LAMB3: variants seen among roughly 807,000 people sequenced by gnomAD.
LAMB3 encodes laminin subunit beta-3.
In LAMB3, 104 loss-of-function variants were observed where a neutral mutation model predicts 140.3. The ratio of observed to expected loss-of-function variants is 0.74; its 90% CI spans 0.63 to 0.87. LAMB3 has a LOEUF of 0.87. Ranked by LOEUF, LAMB3 falls within the 40% of genes least tolerant of loss-of-function variation. LAMB3 has a pLI of 0.00. For missense variants in LAMB3, 1,531 were observed against 1,575.2 expected (o/e 0.97, Z 0.47); for synonymous variants, 592 against 602.9 (o/e 0.98, Z 0.26).
rs1332394982 is a variant in LAMB3 at position 209,626,006 on chromosome 1, C to T, written c.1618G>A (p.Gly540Arg). Residue 540 changes from glycine to arginine, a missense_variant, in exon 14 of 23, where the codon GGA becomes AGA. Transcript: ENST00000356082. ...GCRACDCDFR[G>R]TEGPGCDKAS... ...TTGTCGCAGCCCGGGCCCTCTGTTC[C>T]CCGGAAATCACAGTCACAGGCTAGG... 2 of 1,612,892 alleles carry T rather than the reference C, an allele frequency of 1.2e-6. No homozygotes were observed. The highest frequency in any genetic ancestry group is 8.5e-7 in the Non-Finnish European group (1 of 1,179,386).
At position 209,623,048 on chromosome 1, in the gene LAMB3, C is replaced by T. The variant is rs1380811222; in HGVS notation, c.2490G>A (p.Leu830=). Residue 830 remains leucine, a synonymous_variant, in exon 17 of 23, where the codon TTG becomes TTA. Transcript: ENST00000356082. This position sits in a 1 kb window ranked among gnomAD's most constrained non-coding sequence, Gnocchi z 4.2. Reference sequence around the variant, plus strand: ...GCTGCTCAGCCACCTGCCCCGCCATCAAGAAGGCCCCACCGGCCCTGGGAA... The same window carrying T: ...GCTGCTCAGCCACCTGCCCCGCCATTAAGAAGGCCCCACCGGCCCTGGGAA... ...GVLPRAGGAF[L]MAGQVAEQLR... is the part of the protein sequence containing the mutation. 6.2e-7 allele frequency: 1 copy of T among 1,614,152 alleles called. No homozygotes were observed. The highest frequency in any genetic ancestry group is 1.1e-5 in the South Asian group (1 of 91,074).
At chr1:209,622,834 A>T in intron 17 of LAMB3, 148 bp downstream of exon 17, 3 of 1,366,792 alleles carry the variant, frequency 2.2e-6, no homozygotes, top group Non-Finnish European at 3.1e-6. Flanking sequence ...AAAAGAGAAA[A>T]AAAACTATCT....
chr1:209,641,737 G>T (rs1032926450), intron 3 of LAMB3, among the ~76,000 whole-genome samples: 1 of 152,206 alleles, frequency 6.6e-6, no homozygotes, highest in Non-Finnish European at 1.5e-5. Context: ...GAGACCTGTC[G>T]CTGGCTGAAA....
Position 209,649,841 on chromosome 1 carries a change from C to T in LAMB3, c.183+123G>A, listed in dbSNP as rs938556564. 1.2e-5 allele frequency: 13 copies of T among 1,098,402 alleles called. No individual in the cohort carries two copies. The African/African-American group carries it at 1.9e-4, about 16-fold the overall frequency. 68.0% of individuals were successfully genotyped at this position (1,098,402 alleles called of 1,614,324 possible). Reference sequence around the variant, plus strand: ...TGGCCTTATACTTTTACTGCACTCCCCAGTCCGTGTAGTACACAGGGCTTG... The same window carrying T: ...TGGCCTTATACTTTTACTGCACTCCTCAGTCCGTGTAGTACACAGGGCTTG... On this transcript the variant is annotated intron_variant, in intron 3 of 22. Transcript: ENST00000356082.
chr1:209,623,606 C>T lies in LAMB3; in HGVS notation c.2257G>A (p.Val753Met). ...CCTCCTCCTCCTCCCGCCTGCCGCA[C>T]CAGCCTCTCTGCCTCTCTCCGGCTG... ...RDSRREAERLVRQAGGGGGTG... is the reference protein window; with the variant it reads ...RDSRREAERLMRQAGGGGGTG... Residue 753 changes from valine to methionine, a missense_variant, in exon 16 of 23, where the codon GTG becomes ATG. Transcript: ENST00000356082. The surrounding 1 kb of genome is among the most constrained non-coding windows in gnomAD (Gnocchi z 4.2). 1 of 1,614,240 alleles carries T rather than the reference C, an allele frequency of 6.2e-7. No individual in the cohort carries two copies. The highest frequency in any genetic ancestry group is 8.5e-7 in the Non-Finnish European group (1 of 1,180,044).
intron 10 of LAMB3, among the ~76,000 whole-genome samples, chr1:209,629,085 G>T (rs1249062482): frequency 6.6e-6 from 1 of 152,138 alleles, no homozygotes; most frequent in Admixed American, 6.5e-5. Context: ...CTTTCAAAAT[G>T]TAAGACCCCT....
In LAMB3 at chr1:209,630,640, C is replaced by A; in HGVS notation, c.918G>T (p.Glu306Asp). The change falls in exon 9 of 23, where the codon GAG becomes GAT. Residue 306 changes from glutamate (E) to aspartate (D), a missense_variant. Transcript: ENST00000356082. ...FYNNRPWRPA[E>D]GQDAHECQRC... is the part of the protein sequence containing the mutation. ...TTTGGCATTCATGGGCGTCCTGGCC[C>A]TCCGCCGGTCTCCAGGGCCGGTTGT... 1 of 1,614,148 alleles carries A rather than the reference C, an allele frequency of 6.2e-7. No individual in the cohort carries two copies. Among genetic ancestry groups the A allele is most frequent in the Non-Finnish European group, 8.5e-7 (1 of 1,180,020 alleles).
intron 5 of LAMB3, among the ~76,000 whole-genome samples, chr1:209,637,467 C>T (rs950259062): frequency 2.6e-5 from 4 of 152,048 alleles, no homozygotes; most frequent in Admixed American, 6.5e-5. Flanking sequence ...GAAGTAATGG[C>T]GCTGAATGAG....
Position 209,625,865 on chromosome 1 carries a change from T to A in LAMB3, c.1759A>T (p.Thr587Ser). The change falls in exon 14 of 23, where the codon ACC becomes TCC. Residue 587 changes from threonine (T) to serine (S), a missense_variant. Transcript: ENST00000356082. The stretch of plus-strand genomic sequence containing the variant: ...TGCTCCCGGAGGTCCGCATCATAGG[T>A]CTGGAAGCAAGGGTGGCAGGCCACG... ...VCVACHPCFQ[T>S]YDADLREQAL... is the part of the protein sequence containing the mutation. 1 of 1,614,004 alleles carries A rather than the reference T, an allele frequency of 6.2e-7. No individual in the cohort carries two copies. The highest frequency in any genetic ancestry group is 8.5e-7 in the Non-Finnish European group (1 of 1,179,986).
intron 13 of LAMB3, among the ~76,000 whole-genome samples, chr1:209,626,589 T>C (rs1666463771): frequency 6.6e-6 from 1 of 152,210 alleles, no homozygotes; most frequent in African/African-American, 2.4e-5. Flanking sequence ...GCCCTGGAGA[T>C]GGCTTCTGGG....
rs931152912 is a variant in LAMB3 at position 209,626,904 on chromosome 1, T to C, written c.1560A>G (p.Pro520=). The change falls in exon 13 of 23, where the codon CCA becomes CCG. Residue 520 remains proline (P), a synonymous_variant. Transcript: ENST00000356082. ...TGGCCACGTCTCCATAGGTCCGGTC[T>C]GGACACTGGCGGATGGCTGCAGCGC... ...MCSAAAIRQC[P]DRTYGDVATG... 17 of 1,613,836 alleles carry C rather than the reference T, an allele frequency of 1.1e-5. No individual in the cohort carries two copies. The highest frequency in any genetic ancestry group is 1.4e-5 in the Non-Finnish European group (17 of 1,179,988).
At chr1:209,644,821 G>A (rs1036673858) in intron 3 of LAMB3, among the ~76,000 whole-genome samples, 5 of 152,164 alleles carry the variant, frequency 3.3e-5, no homozygotes, top group Admixed American at 6.5e-5. Context: ...CTAGTGTGCC[G>A]GGGACCTCTA....
chr1:209,634,253 C>T (rs1666806123), intron 6 of LAMB3, among the ~76,000 whole-genome samples, 194 bp downstream of exon 6: 1 of 152,092 alleles, frequency 6.6e-6, no homozygotes, highest in African/African-American at 2.4e-5. Context: ...AATATCCTTC[C>T]TCAGCAAAGA....
chr1:209,620,378 G>T (rs1666143699), intron 18 of LAMB3, among the ~76,000 whole-genome samples: 1 of 152,188 alleles, frequency 6.6e-6, no homozygotes, highest in Non-Finnish European at 1.5e-5. Flanking sequence ...ATAGGTCCAG[G>T]GAGGCTGCCT....
At chr1:209,626,751 C>A (rs1442800325) in intron 13 of LAMB3, 116 bp downstream of exon 13, 1 of 781,874 alleles carries the variant, frequency 1.3e-6, no homozygotes, top group Non-Finnish European at 2.2e-6. Context: ...AGGCCCACAC[C>A]ACATGCATCA....
In LAMB3 at chr1:209,625,997, C is replaced by T. The variant is rs765797641; in HGVS notation, c.1627G>A (p.Gly543Ser). 8 of 1,612,990 alleles carry T rather than the reference C, an allele frequency of 5.0e-6. No individual in the cohort carries two copies. In the East Asian group the frequency reaches 1.6e-4, roughly 31 times the overall value. Residue 543 changes from glycine (G) to serine (S), a missense_variant, in exon 14 of 23, where the codon GGC (glycine) becomes AGC (serine). Transcript: ENST00000356082. ...CCTGATGCCTTGTCGCAGCCCGGGCCCTCTGTTCCCCGGAAATCACAGTCA... is the reference window on the plus strand; with the variant it reads ...CCTGATGCCTTGTCGCAGCCCGGGCTCTCTGTTCCCCGGAAATCACAGTCA... ...ACDCDFRGTEGPGCDKASGRC... is the reference protein window; with the variant it reads ...ACDCDFRGTESPGCDKASGRC...
At position 209,623,054 on chromosome 1, in the gene LAMB3, G is replaced by A; in HGVS notation, c.2484C>T (p.Ala828=). The change falls in exon 17 of 23, where the codon GCC becomes GCT. Residue 828 remains alanine, a synonymous_variant. Transcript: ENST00000356082. The surrounding 1 kb of genome is among the most constrained non-coding windows in gnomAD (Gnocchi z 4.2). ...CAGCCACCTGCCCCGCCATCAAGAA[G>A]GCCCCACCGGCCCTGGGAAGGACAC... ...CRGVLPRAGG[A]FLMAGQVAEQ... The A allele has an allele frequency of 6.2e-7, 1 of 1,614,178 alleles. No homozygotes were observed. Among genetic ancestry groups the A allele is most frequent in the East Asian group, 2.2e-5 (1 of 44,874 alleles).
In LAMB3 at chr1:209,637,632, A is replaced by C. The variant is rs544829822; in HGVS notation, c.372+276T>G. On this transcript the variant is annotated intron_variant, in intron 5 of 22. Coordinates refer to ENST00000356082, the MANE Select transcript of LAMB3 (RefSeq NM_000228.3). ...AACTGTACAACAAGCAACCGGGCCCAGTAGAATTGGTACTTGGCAGAGCTG... is the reference window on the plus strand; with the variant it reads ...AACTGTACAACAAGCAACCGGGCCCCGTAGAATTGGTACTTGGCAGAGCTG... Among the ~76,000 whole-genome samples, 5 of 152,346 alleles carry C rather than the reference A, an allele frequency of 3.3e-5. No homozygotes were observed. The East Asian group carries it at 7.7e-4, about 24-fold the overall frequency.
chr1:209,622,778 C>A lies in LAMB3; in HGVS notation c.2557-98G>T. On this transcript the variant is annotated intron_variant, in intron 17 of 22. Transcript: ENST00000356082. ...GATCATCCTCTATGCCAAGACCTAC[C>A]TAGGAAGCATTTGTAACCAACCCAG... The A allele has an allele frequency of 2.0e-6, 3 of 1,534,788 alleles. No individual in the cohort carries two copies. In the South Asian group the frequency reaches 3.4e-5, roughly 17 times the overall value.
Sources: gnomAD v4.1 joint callset for allele counts (sites outside exome capture counted in the v4.1 genomes callset) on GRCh38, gnomAD v4.1.1 for gene constraint, Gnocchi (gnomAD v3.1) non-coding constraint, MANE v1.5 for transcripts, NCBI Gene and HGNC (gene_info 2026-07-23, HGNC 2026-07-21) for gene names.